The following PTPDC1 variants were observed in gnomAD, a reference collection of about 807,000 sequenced individuals.
PTPDC1 encodes the protein protein tyrosine phosphatase domain containing 1.
PTPDC1 carries 53 observed loss-of-function variants against 75.3 expected under a neutral mutation model. The observed-to-expected ratio is 0.70, with a 90% confidence interval of 0.56 to 0.88. PTPDC1 has a LOEUF of 0.88. Ranked by LOEUF, PTPDC1 falls within the 40% of genes least tolerant of loss-of-function variation. The pLI, the probability that PTPDC1 is intolerant of heterozygous loss-of-function variation, is 0.00. For synonymous variants in PTPDC1, 349 were observed against 366.2 expected (o/e 0.95, Z 0.54); for missense variants, 925 against 998.6 (o/e 0.93, Z 0.99).
chr9:94,088,653 G>A (rs1014900366), intron 4 of PTPDC1, among the ~76,000 whole-genome samples: 1 of 152,126 alleles, frequency 6.6e-6, no homozygotes, highest in Admixed American at 6.6e-5. Context: ...ATGGTAGTCA[G>A]GTTTGGAACC....
intron 2 of PTPDC1, among the ~76,000 whole-genome samples, chr9:94,073,393 T>C (rs891858228): frequency 6.6e-6 from 1 of 152,138 alleles, no homozygotes; most frequent in Non-Finnish European, 1.5e-5. Flanking sequence ...CTGATATGGG[T>C]GATTTGTGTC....
At chr9:94,106,917 ATTTAC>A (rs1370465168) in intron 8 of PTPDC1, among the ~76,000 whole-genome samples, 3 of 151,460 alleles carry the variant, frequency 2.0e-5, no homozygotes, top group South Asian at 2.1e-4. Context: ...GGGAAAGGAA[ATTTAC>A]TTTATCAAGG....
At chr9:94,036,019 A>ATT (rs1825251224) in intron 1 of PTPDC1, among the ~76,000 whole-genome samples, 1 of 74,042 alleles carries the variant, frequency 1.4e-5, no homozygotes, top group African/African-American at 6.7e-5. Flanking sequence ...TAATCGGATT[A>ATT]TTTGTTTTTT....
chr9:94,088,701 C>T (rs1453642356), intron 4 of PTPDC1, among the ~76,000 whole-genome samples: 1 of 152,168 alleles, frequency 6.6e-6, no homozygotes, highest in Non-Finnish European at 1.5e-5. Flanking sequence ...CAGCCCTGCT[C>T]CCAAAATGAT....
At chr9:94,100,934 T>G (rs1238626475) in intron 6 of PTPDC1, 1 of 152,230 alleles carries the variant, frequency 6.6e-6, no homozygotes, top group East Asian at 1.9e-4. Flanking sequence ...AGAAAAACTT[T>G]CCAGTTATCT....
chr9:94,045,410 A>C (rs980091448), intron 1 of PTPDC1, among the ~76,000 whole-genome samples: 1 of 152,152 alleles, frequency 6.6e-6, no homozygotes. Context: ...AACCCAGAGG[A>C]ATCGCCACAC....
chr9:94,067,395 A>AT (rs200116153), intron 2 of PTPDC1, among the ~76,000 whole-genome samples: 1,516 of 143,686 alleles, frequency 0.011, 19 homozygotes, highest in African/African-American at 0.035. Context: ...ATCTCAAAAA[A>AT]AAAAAATAAT....
rs576385447 is a variant in PTPDC1, at chr9:94,098,452, C to G, written c.1886C>G (p.Ala629Gly). ...TQDSKDLSEA[A>G]SHSALQSELS... is the part of the protein sequence containing the mutation. ...GACAGTAAAGATCTGTCTGAAGCAG[C>G]TTCACACTCTGCATTACAGTCTGAA... Residue 629 changes from alanine to glycine, a missense_variant, in exon 6 of 9, where the codon GCT becomes GGT. Ala to Gly is a moderately conservative substitution (Grantham distance 60). Coordinates refer to ENST00000620992, the MANE Select transcript of PTPDC1 (RefSeq NM_001253829.2). 2 of 1,614,068 alleles carry G rather than the reference C, an allele frequency of 1.2e-6. No individual in the cohort carries two copies.
chr9:94,031,981 C>T (rs1043726821), intron 1 of PTPDC1, among the ~76,000 whole-genome samples: 2 of 152,210 alleles, frequency 1.3e-5, no homozygotes, highest in Non-Finnish European at 2.9e-5. Flanking sequence ...CAGGTACATA[C>T]ATATATACAC....
In PTPDC1 at chr9:94,050,569, T is replaced by C. The variant is rs528606333; in HGVS notation, c.-6-14165T>C. Among the ~76,000 whole-genome samples, 10 of 152,340 alleles carry C rather than the reference T, an allele frequency of 6.6e-5. No homozygotes were observed. In the East Asian group the frequency reaches 1.9e-3, roughly 29 times the overall value. On this transcript the variant is annotated intron_variant, in intron 1 of 9. Transcript: ENST00000375360. Reference sequence around the variant, plus strand: ...AAATGTTGCTGCCTGATTGTTCCTCTGGAAGTTTTGTCTCAGAGGAGTACC... The same window carrying C: ...AAATGTTGCTGCCTGATTGTTCCTCCGGAAGTTTTGTCTCAGAGGAGTACC...
chr9:94,085,332 C>G lies in PTPDC1; in HGVS notation c.326C>G (p.Ser109Cys), dbSNP rs1437231996. The G allele has an allele frequency of 8.1e-6, 13 of 1,614,068 alleles. No homozygotes were observed. The highest frequency in any genetic ancestry group is 1.0e-5 in the Non-Finnish European group (12 of 1,180,022). The change falls in exon 2 of 9, where the codon TCC (serine) becomes TGC (cysteine). Residue 109 changes from serine to cysteine, a missense_variant. Coordinates refer to ENST00000620992, the MANE Select transcript of PTPDC1 (RefSeq NM_001253829.2). ...RHVIPGHMACSMACGGRACKY... is the reference protein window; with the variant it reads ...RHVIPGHMACCMACGGRACKY... Reference sequence around the variant, plus strand: ...GTCATTCCTGGACACATGGCATGTTCCATGGCGTGTGGCGGTAGAGCTTGC... The same window carrying G: ...GTCATTCCTGGACACATGGCATGTTGCATGGCGTGTGGCGGTAGAGCTTGC...
intron 1 of PTPDC1, among the ~76,000 whole-genome samples, chr9:94,062,347 T>C (rs767499554): frequency 6.6e-5 from 10 of 152,216 alleles, no homozygotes; most frequent in Non-Finnish European, 1.5e-5. Flanking sequence ...AACAAGTCTC[T>C]AGGAAGTTCC....
intron 1 of PTPDC1, among the ~76,000 whole-genome samples, chr9:94,064,494 T>G (rs539915582): frequency 1.2e-4 from 19 of 152,348 alleles, no homozygotes; most frequent in Non-Finnish European, 2.8e-4. Context: ...AAATTTAGCA[T>G]GTGTAATTAA....
Position 94,038,204 on chromosome 9 carries a change from A to T in PTPDC1, c.-7+7077A>T, listed in dbSNP as rs545359415. On this transcript the variant is annotated intron_variant, in intron 1 of 9. Transcript: ENST00000375360. ...AGACGCCAATAAAAACAAAGGCATC[A>T]CCTGGGGAGAGGATACACTGATGGA... The T allele has an allele frequency of 7.6e-4, 618 of 817,910 alleles. 1 individual carries two copies. The highest frequency in any genetic ancestry group is 1.2e-3 in the Non-Finnish European group (578 of 481,568). The allele number at this position is 817,910 out of a possible 1,614,324, so 50.7% of individuals were successfully genotyped here.
At chr9:94,104,233 T>G in intron 7 of PTPDC1, 42 bp from the exon 8 acceptor site, 1 of 1,485,488 alleles carries the variant, frequency 6.7e-7, no homozygotes, top group Non-Finnish European at 9.3e-7. Flanking sequence ...TATTGAGGCA[T>G]TTTTTGAAAA....
chr9:94,087,763 G>C (rs1389452708), intron 2 of PTPDC1, 68 bp from the exon 3 acceptor site: 1 of 1,074,786 alleles, frequency 9.3e-7, no homozygotes, highest in African/African-American at 1.6e-5. Flanking sequence ...CTCAGGACTG[G>C]AACATCTCTT....
Position 94,097,858 on chromosome 9 carries a change from A to C in PTPDC1, c.1292A>C (p.Asn431Thr), listed in dbSNP as rs927506073. 6 of 1,614,094 alleles carry C rather than the reference A, an allele frequency of 3.7e-6. No homozygotes were observed. The African/African-American group carries it at 6.7e-5, about 18-fold the overall frequency. The change falls in exon 6 of 9, where the codon AAT becomes ACT. Residue 431 changes from asparagine to threonine, a missense_variant. Asn to Thr is a moderately conservative substitution (Grantham distance 65). Coordinates refer to ENST00000620992, the MANE Select transcript of PTPDC1 (RefSeq NM_001253829.2). ...QQFDPLWKRR[N>T]VECLQPLTHL... ...TTTGACCCTCTTTGGAAAAGGCGGA[A>C]TGTTGAGTGCCTTCAACCCCTGACT... is the stretch of plus-strand genomic sequence containing the variant.
At chr9:94,033,959 A>G (rs901103048) in intron 1 of PTPDC1, among the ~76,000 whole-genome samples, 2 of 152,230 alleles carry the variant, frequency 1.3e-5, no homozygotes, top group African/African-American at 2.4e-5. Flanking sequence ...AACACTTATC[A>G]TGTGCCAGGC....
intron 8 of PTPDC1, among the ~76,000 whole-genome samples, chr9:94,107,174 A>C (rs1828051655): frequency 6.6e-6 from 1 of 151,998 alleles, no homozygotes. Context: ...GGCTGGTCTC[A>C]ACCTCCTGGG....
Sources: gnomAD v4.1 joint callset for allele counts (sites outside exome capture counted in the v4.1 genomes callset) on GRCh38, gnomAD v4.1.1 for gene constraint, MANE v1.5 for transcripts, NCBI Gene and HGNC (gene_info 2026-07-23, HGNC 2026-07-21) for gene names.